The following NISCH variants were observed in gnomAD, a reference collection of about 807,000 sequenced individuals.
NISCH encodes the protein I-1 receptor candidate protein.
In NISCH, 55 loss-of-function variants were observed where a neutral mutation model predicts 138.4. The observed-to-expected ratio is 0.40, with a 90% CI of 0.32 to 0.50. The LOEUF is 0.50. Ranked by LOEUF, NISCH falls within the 20% of genes least tolerant of loss-of-function variation. The probability of loss-of-function intolerance (pLI) is 0.71; values close to 1 mark genes in which losing one functional copy is unlikely to be tolerated. For synonymous variants in NISCH, 860 were observed against 861.5 expected, an observed-to-expected ratio of 1.00 and a Z score of 0.03; for missense variants, 1,643 against 2,005.5, an observed-to-expected ratio of 0.82 and a Z score of 3.45.
intron 6 of NISCH, 93 bp downstream of exon 6, chr3:52,472,491 G>A: frequency 8.6e-7 from 1 of 1,158,174 alleles, no homozygotes; most frequent in South Asian, 1.3e-5. Context: ...ATCATAAGGT[G>A]CTGTGCTTTC....
intron 11 of NISCH, among the ~76,000 whole-genome samples, chr3:52,479,291 C>G (rs1707197485): frequency 6.6e-6 from 1 of 152,146 alleles, no homozygotes; most frequent in Admixed American, 6.5e-5. Flanking sequence ...CCACTCCCTC[C>G]CACATTTGCA....
intron 7 of NISCH, among the ~76,000 whole-genome samples, chr3:52,474,390 G>T (rs11921116): frequency 6.6e-6 from 1 of 150,814 alleles, no homozygotes; most frequent in Non-Finnish European, 1.5e-5. Context: ...TCTGCCTCCC[G>T]GGTTCACGCC....
In NISCH at chr3:52,488,007, C is replaced by T. The variant is rs779852675; in HGVS notation, c.2515C>T (p.Leu839Phe). 108 of 1,612,456 alleles carry T rather than the reference C, an allele frequency of 6.7e-5. No individual in the cohort carries two copies. The South Asian group carries it at 1.1e-3, about 17-fold the overall frequency. The change falls in exon 16 of 21, where the codon CTC becomes TTC. Residue 839 changes from leucine (L) to phenylalanine (F), a missense_variant. Physicochemically the swap from Leu to Phe is conservative, Grantham distance 22. Coordinates refer to ENST00000345716, the MANE Select transcript of NISCH (RefSeq NM_007184.4). The part of the protein sequence containing the change: ...TSLQEFLRQL[L>F]TFYKVAGGCQ... The stretch of plus-strand genomic sequence containing the variant: ...CCTGCAGGAGTTCCTGCGCCAGCTG[C>T]TCACCTTCTACAAGGTGGCTGGCGG...
intron 13 of NISCH, 51 bp from the exon 14 acceptor site, chr3:52,484,462 T>TACC: frequency 7.6e-6 from 6 of 788,670 alleles, no homozygotes; most frequent in Admixed American, 3.4e-5. Context: ...ACAGCCGCTC[T>TACC]CCCCGCCCCA....
At chr3:52,459,259 A>G (rs9855470) in intron 3 of NISCH, among the ~76,000 whole-genome samples, 146,627 of 152,280 alleles carry the variant, frequency 0.96, 70,644 homozygotes, top group African/African-American at 0.99. Context: ...GGGGCGTGTC[A>G]TCAGGGTCCG....
intron 6 of NISCH, among the ~76,000 whole-genome samples, chr3:52,472,753 G>T (rs974572980): frequency 2.0e-5 from 3 of 152,208 alleles, no homozygotes; most frequent in African/African-American, 7.2e-5. Flanking sequence ...ATACAAGTCT[G>T]TATTTCCCAA....
chr3:52,491,886 T>C lies in NISCH; in HGVS notation c.3919T>C (p.Tyr1307His). Residue 1307 changes from tyrosine to histidine, a missense_variant, in exon 21 of 21, where the codon TAC becomes CAC. Physicochemically the swap from Tyr to His is moderately conservative, Grantham distance 83 (BLOSUM62 2). Coordinates refer to ENST00000345716, the MANE Select transcript of NISCH (RefSeq NM_007184.4). The stretch of plus-strand genomic sequence containing the variant: ...TCTCTCTGCAGGGAAGATGGAGAAC[T>C]ACGAGCTGATCCACTCTAGTCGCGT... ...GNKTTGKMEN[Y>H]ELIHSSRVKF... 6.3e-7 allele frequency: 1 copy of C among 1,596,498 alleles called. No individual in the cohort carries two copies. The highest frequency in any genetic ancestry group is 8.6e-7 in the Non-Finnish European group (1 of 1,168,824).
At chr3:52,485,340 T>G (rs981044067) in intron 14 of NISCH, among the ~76,000 whole-genome samples, 2 of 152,182 alleles carry the variant, frequency 1.3e-5, no homozygotes, top group Non-Finnish European at 2.9e-5. Flanking sequence ...CTTTCCAGGG[T>G]CACACAGCAA....
Position 52,455,621 on chromosome 3 carries a change from G to C in NISCH, c.-21G>C. 1 of 1,310,452 alleles carries C rather than the reference G, an allele frequency of 7.6e-7. No homozygotes were observed. The highest frequency in any genetic ancestry group is 9.8e-7 in the Non-Finnish European group (1 of 1,022,950). 81.2% of individuals were successfully genotyped at this position (1,310,452 alleles called of 1,614,324 possible). ...CTGCTGCTAGTCTGCGCCGGGCGGCGGTGGCGGCGGAGACCCGAACATGGC... is the reference window on the plus strand; with the variant it reads ...CTGCTGCTAGTCTGCGCCGGGCGGCCGTGGCGGCGGAGACCCGAACATGGC... On this transcript the variant is annotated 5_prime_UTR_variant, in exon 1 of 21. Transcript: ENST00000345716.
At chr3:52,489,082 G>C (rs1319628913) in intron 16 of NISCH, among the ~76,000 whole-genome samples, 1 of 152,202 alleles carries the variant, frequency 6.6e-6, no homozygotes, top group Non-Finnish European at 1.5e-5. Context: ...ACATCTTGCT[G>C]TGTTGTTCAG....
intron 3 of NISCH, among the ~76,000 whole-genome samples, chr3:52,469,807 T>C (rs6445485): frequency 0.96 from 146,355 of 151,994 alleles, 70,513 homozygotes; most frequent in African/African-American, 0.99. Context: ...ACCAACTACT[T>C]GGGAGGCTGA....
chr3:52,464,352 A>G (rs554281047), intron 3 of NISCH, among the ~76,000 whole-genome samples: 1 of 152,048 alleles, frequency 6.6e-6, no homozygotes, highest in Admixed American at 6.5e-5. Flanking sequence ...GAGTGAGACC[A>G]CACCACTGCA....
At chr3:52,458,558 C>A in intron 2 of NISCH, 104 bp from the exon 3 acceptor site, 1 of 901,370 alleles carries the variant, frequency 1.1e-6, no homozygotes, top group Non-Finnish European at 1.7e-6. Context: ...CAGGGAGGGG[C>A]TGTGCAAGTG....
intron 3 of NISCH, among the ~76,000 whole-genome samples, chr3:52,468,088 A>C (rs955200229): frequency 1.5e-5 from 2 of 135,490 alleles, no homozygotes; most frequent in Non-Finnish European, 3.2e-5. Flanking sequence ...GGTGAAACCC[A>C]TCTCTACTAA....
chr3:52,472,277 A>T, intron 5 of NISCH, 26 bp from the exon 6 acceptor site: 1 of 1,609,210 alleles, frequency 6.2e-7, no homozygotes, highest in South Asian at 1.1e-5. Flanking sequence ...CACTGTTCCC[A>T]ATTTAAGCCT....
At chr3:52,490,869 G>T in intron 19 of NISCH, 36 bp downstream of exon 19, 1 of 1,612,058 alleles carries the variant, frequency 6.2e-7, no homozygotes, top group Middle Eastern at 1.7e-4. Context: ...TATTTCGGGT[G>T]AAGGCCAGCA....
At chr3:52,478,964 A>G (rs988217926) in intron 11 of NISCH, among the ~76,000 whole-genome samples, 1 of 152,124 alleles carries the variant, frequency 6.6e-6, no homozygotes, top group Non-Finnish European at 1.5e-5. Context: ...TGCTGACCAG[A>G]CACCCTTAAC....
chr3:52,491,609 A>G lies in NISCH; in HGVS notation c.3904+96A>G, dbSNP rs747168405. Reference sequence around the variant, plus strand: ...GTGCCCCAGAACCCTCTCTGCCTCTATGTCTCTCTTTTCTCACTTAGCTGG... The same window carrying G: ...GTGCCCCAGAACCCTCTCTGCCTCTGTGTCTCTCTTTTCTCACTTAGCTGG... On this transcript the variant is annotated intron_variant, in intron 20 of 20. Transcript: ENST00000345716. The G allele has an allele frequency of 1.3e-5, 18 of 1,361,360 alleles. No homozygotes were observed. The Admixed American group carries it at 3.1e-4, about 24-fold the overall frequency. 84.3% of individuals were successfully genotyped at this position (1,361,360 alleles called of 1,614,324 possible).
intron 1 of NISCH, among the ~76,000 whole-genome samples, chr3:52,456,628 C>A (rs921992145): frequency 4.6e-5 from 7 of 152,218 alleles, no homozygotes; most frequent in Non-Finnish European, 5.9e-5. Context: ...GCCTGCACCT[C>A]CCCTCCCTGG....
Sources: gnomAD v4.1 joint callset for allele counts (sites outside exome capture counted in the v4.1 genomes callset) on GRCh38, gnomAD v4.1.1 for gene constraint, MANE v1.5 for transcripts, NCBI Gene and HGNC (gene_info 2026-07-23, HGNC 2026-07-21) for gene names.